SIPA1L3: variants seen among roughly 807,000 people sequenced by gnomAD.
The protein encoded by SIPA1L3 is signal induced proliferation associated 1 like 3, also known as signal-induced proliferation-associated 1-like protein 3.
A neutral mutation model predicts 150.1 loss-of-function variants in SIPA1L3; 59 were observed. That is an observed-to-expected ratio of 0.39 (90% CI 0.32 to 0.49). The LOEUF is 0.49. Among genes scored for constraint, SIPA1L3 ranks in the 20% least tolerant of loss-of-function variants. The pLI, the probability that SIPA1L3 is intolerant of heterozygous loss-of-function variation, is 0.86. For synonymous variants in SIPA1L3, 1,070 were observed against 1,077.6 expected, an observed-to-expected ratio of 0.99 and a Z score of 0.14; for missense variants, 2,211 against 2,489.5, an observed-to-expected ratio of 0.89 and a Z score of 2.38.
intron 4 of SIPA1L3, among the ~76,000 whole-genome samples, chr19:38,099,024 C>A (rs1481276269): frequency 6.6e-6 from 1 of 151,802 alleles, no homozygotes; most frequent in Non-Finnish European, 1.5e-5. Flanking sequence ...TTCTTTTCTT[C>A]TCTTCTCTTC....
rs1973211707 is a variant in SIPA1L3 at position 38,206,300 on chromosome 19, C to T, written c.*60C>T. The T allele has an allele frequency of 6.7e-7, 1 of 1,483,752 alleles. No individual in the cohort carries two copies. Among genetic ancestry groups the T allele is most frequent in the African/African-American group, 1.4e-5 (1 of 71,568 alleles). 91.9% of individuals were successfully genotyped at this position (1,483,752 alleles called of 1,614,324 possible). ...CTCAGGCCGTGGCCCTGCTGCCTCT[C>T]TCCCTCCACTCAGCTCCCAGCTGCC... On this transcript the variant is annotated 3_prime_UTR_variant, in exon 22 of 22. Coordinates refer to ENST00000222345, the MANE Select transcript of SIPA1L3 (RefSeq NM_015073.3).
intron 2 of SIPA1L3, among the ~76,000 whole-genome samples, chr19:38,031,188 A>G (rs1213877599): frequency 6.6e-6 from 1 of 152,220 alleles, no homozygotes; most frequent in Non-Finnish European, 1.5e-5. Context: ...TACAAAGTTC[A>G]CATGTCTACC....
At position 38,082,691 on chromosome 19, in the gene SIPA1L3, T is replaced by TCCG. The variant is rs1233500494; in HGVS notation, c.1132_1134dup (p.Ala378dup). Reference sequence around the variant, plus strand: ...CACCACCACGGGTGCTTCGGCCGCTTCCGCCGCCTCGGCCATGGCCTCCCT... The same window carrying TCCG: ...CACCACCACGGGTGCTTCGGCCGCTTCCGCCGCCGCCTCGGCCATGGCCTCCCT... On this transcript the variant is annotated inframe_insertion, in exon 3 of 22. Transcript: ENST00000222345. The TCCG allele has an allele frequency of 6.2e-7, 1 of 1,609,586 alleles. No homozygotes were observed. The highest frequency in any genetic ancestry group is 2.2e-5 in the East Asian group (1 of 44,810).
intron 1 of SIPA1L3, among the ~76,000 whole-genome samples, chr19:37,970,448 T>A (rs1165835224): frequency 6.6e-6 from 1 of 152,242 alleles, no homozygotes; most frequent in Non-Finnish European, 1.5e-5. Context: ...GGACTACCTC[T>A]AAGGAGCTCT....
At chr19:38,126,091 G>A (rs1353869469) in intron 9 of SIPA1L3, among the ~76,000 whole-genome samples, 1 of 152,030 alleles carries the variant, frequency 6.6e-6, no homozygotes. Context: ...GAAGAATGGC[G>A]TGAACCCGGG....
chr19:38,012,089 CTTT>C (rs59957165), intron 1 of SIPA1L3, among the ~76,000 whole-genome samples: 4 of 140,542 alleles, frequency 2.8e-5, no homozygotes, highest in Admixed American at 7.1e-5. Flanking sequence ...TGGGCTGTGT[CTTT>C]TTTTTTTTTT....
At chr19:38,109,498 G>A (rs1473633470) in intron 7 of SIPA1L3, 1 of 152,224 alleles carries the variant, frequency 6.6e-6, no homozygotes, top group Non-Finnish European at 1.5e-5. Flanking sequence ...GAGTCCCATA[G>A]GGCACTCGGA....
chr19:38,124,757 C>T (rs1419341258), intron 9 of SIPA1L3, among the ~76,000 whole-genome samples: 11 of 152,186 alleles, frequency 7.2e-5, no homozygotes, highest in Non-Finnish European at 1.3e-4. Context: ...CCCGGCACCT[C>T]GGGAGGCTGA....
chr19:38,168,134 C>A (rs1398737175), intron 15 of SIPA1L3, among the ~76,000 whole-genome samples: 2 of 152,156 alleles, frequency 1.3e-5, no homozygotes, highest in Non-Finnish European at 2.9e-5. Context: ...CGCCTATAAA[C>A]CCAGCACTTT....
rs79188978 is a variant in SIPA1L3 at position 37,933,965 on chromosome 19, C to T, written c.-379+26607C>T. On this transcript the variant is annotated intron_variant, in intron 1 of 21. Coordinates refer to ENST00000222345, the MANE Select transcript of SIPA1L3 (RefSeq NM_015073.3). ...TGCTTGCTGTTCCTGCAGGGGGAGGCCAGGGAGTGCCTGGGAAGTAGCAAT... is the reference window on the plus strand; with the variant it reads ...TGCTTGCTGTTCCTGCAGGGGGAGGTCAGGGAGTGCCTGGGAAGTAGCAAT... Among the ~76,000 whole-genome samples the T allele has an allele frequency of 2.0e-5, 3 of 152,122 alleles. 1 individual carries two copies. Among genetic ancestry groups the T allele is most frequent in the Admixed American group, 2.0e-4 (3 of 15,276 alleles).
intron 2 of SIPA1L3, among the ~76,000 whole-genome samples, chr19:38,063,761 T>C (rs1328386008): frequency 6.6e-6 from 1 of 152,172 alleles, no homozygotes; most frequent in Non-Finnish European, 1.5e-5. Context: ...GGCCCCAGTG[T>C]TCCCCCCATG....
chr19:38,036,759 G>A (rs1968801496), intron 2 of SIPA1L3, among the ~76,000 whole-genome samples: 1 of 152,126 alleles, frequency 6.6e-6, no homozygotes, highest in Admixed American at 6.5e-5. Flanking sequence ...TGTGACATGG[G>A]CAGGTCAGGT....
At chr19:38,193,954 G>T (rs76465152) in intron 18 of SIPA1L3, among the ~76,000 whole-genome samples, 174 bp downstream of exon 18, 6 of 152,284 alleles carry the variant, frequency 3.9e-5, no homozygotes, top group Non-Finnish European at 8.8e-5. Flanking sequence ...GGGGCACTGG[G>T]TGTCACCCAA....
intron 13 of SIPA1L3, among the ~76,000 whole-genome samples, chr19:38,161,436 T>C (rs780961640): frequency 2.8e-5 from 4 of 145,130 alleles, no homozygotes; most frequent in Non-Finnish European, 4.6e-5. Flanking sequence ...AGATAAAAGA[T>C]AGTTTGGGCC....
intron 2 of SIPA1L3, among the ~76,000 whole-genome samples, chr19:38,067,543 ACCTGAGGT>A (rs1468210425): frequency 6.6e-6 from 1 of 152,076 alleles, no homozygotes; most frequent in Non-Finnish European, 1.5e-5. Context: ...CGGGCAGATA[ACCTGAGGT>A]CAGGAGTTCA....
intron 20 of SIPA1L3, among the ~76,000 whole-genome samples, chr19:38,202,323 C>T (rs1437922053): frequency 6.6e-6 from 1 of 152,180 alleles, no homozygotes; most frequent in Non-Finnish European, 1.5e-5. Context: ...CGCGGTGGCT[C>T]ACGCCTGTAA....
chr19:38,180,281 A>G (rs769077997), intron 15 of SIPA1L3, among the ~76,000 whole-genome samples: 1 of 152,130 alleles, frequency 6.6e-6, no homozygotes, highest in Non-Finnish European at 1.5e-5. Flanking sequence ...TTTAAAAGTT[A>G]CATTTTATTT....
At chr19:37,947,261 G>A (rs1049697942) in intron 1 of SIPA1L3, among the ~76,000 whole-genome samples, 3 of 151,472 alleles carry the variant, frequency 2.0e-5, no homozygotes, top group Admixed American at 6.6e-5. Flanking sequence ...AGGCCGAGGC[G>A]GGCGGATCAC....
intron 1 of SIPA1L3, among the ~76,000 whole-genome samples, chr19:38,008,100 G>A (rs1228847886): frequency 2.0e-5 from 3 of 152,034 alleles, no homozygotes; most frequent in Non-Finnish European, 4.4e-5. Flanking sequence ...TTGCAGATGC[G>A]GACCTCAGGC....
Sources: gnomAD v4.1 joint callset for allele counts (sites outside exome capture counted in the v4.1 genomes callset) on GRCh38, gnomAD v4.1.1 for gene constraint, MANE v1.5 for transcripts, NCBI Gene and HGNC (gene_info 2026-07-23, HGNC 2026-07-21) for gene names.